The following TBC1D22A variants were observed in gnomAD, a reference collection of about 807,000 sequenced individuals.
TBC1D22A encodes the protein putative GTPase activator.
In TBC1D22A, 38 loss-of-function variants were observed where a neutral mutation model predicts 60.2. That is an observed-to-expected ratio of 0.63 (90% confidence interval 0.49 to 0.83). The LOEUF (loss-of-function observed/expected upper bound fraction) is 0.83. TBC1D22A is among the 40% of genes least tolerant of loss of function. The pLI, the probability that TBC1D22A is intolerant of heterozygous loss-of-function variation, is 0.00. For synonymous variants in TBC1D22A, 302 were observed against 281.7 expected (o/e 1.07, Z -0.72); for missense variants, 628 against 701.0 (o/e 0.90, Z 1.18).
chr22:47,055,211 CA>C (rs2063355115), intron 11 of TBC1D22A, among the ~76,000 whole-genome samples: 1 of 152,246 alleles, frequency 6.6e-6, no homozygotes, highest in African/African-American at 2.4e-5. Context: ...ACTGCTCCCA[CA>C]AGTCTTTCTC....
At chr22:47,012,636 G>C (rs2148305311) in intron 10 of TBC1D22A, among the ~76,000 whole-genome samples, 1 of 152,250 alleles carries the variant, frequency 6.6e-6, no homozygotes, top group Admixed American at 6.5e-5. Context: ...CTCATTTTAA[G>C]GTATTCCTCC....
At chr22:46,976,570 G>A (rs368591452) in intron 9 of TBC1D22A, among the ~76,000 whole-genome samples, 59 of 152,308 alleles carry the variant, frequency 3.9e-4, no homozygotes, top group Middle Eastern at 3.4e-3. Context: ...CACGCAGACC[G>A]GCGTGTCAGC....
At chr22:47,030,809 G>T (rs1183163673) in intron 10 of TBC1D22A, among the ~76,000 whole-genome samples, 1 of 152,232 alleles carries the variant, frequency 6.6e-6, no homozygotes, top group Non-Finnish European at 1.5e-5. Flanking sequence ...TACATTTGCA[G>T]CTTTGATGTG....
chr22:47,092,455 C>T (rs550739336), intron 11 of TBC1D22A, among the ~76,000 whole-genome samples: 8 of 152,224 alleles, frequency 5.3e-5, no homozygotes, highest in South Asian at 2.1e-4. Context: ...AGAGAGTGAA[C>T]GAGGATGCCC....
chr22:46,930,813 A>G (rs564087639), intron 8 of TBC1D22A, among the ~76,000 whole-genome samples: 2 of 152,214 alleles, frequency 1.3e-5, no homozygotes, highest in South Asian at 4.2e-4. Flanking sequence ...CAAAGCCAGT[A>G]TGTAGTTTAA....
chr22:46,762,838 C>T lies in TBC1D22A; in HGVS notation c.52C>T (p.Leu18Phe). Reference protein sequence around the residue: ...KQFWKRSNSKLPGSIQHVYGA... With the variant: ...KQFWKRSNSKFPGSIQHVYGA... Reference sequence around the variant, plus strand: ...ATTCTGGAAGCGCAGCAACAGCAAGCTCCCGGGCAGGTGGGTGTGCCGCGG... The same window carrying T: ...ATTCTGGAAGCGCAGCAACAGCAAGTTCCCGGGCAGGTGGGTGTGCCGCGG... The change falls in exon 1 of 13, where the codon CTC becomes TTC. Residue 18 changes from leucine (L) to phenylalanine (F), a missense_variant. Transcript: ENST00000337137. The T allele has an allele frequency of 6.8e-7, 1 of 1,465,734 alleles. No individual in the cohort carries two copies. Among genetic ancestry groups the T allele is most frequent in the Non-Finnish European group, 9.0e-7 (1 of 1,115,120 alleles). The allele number at this position is 1,465,734 out of a possible 1,614,324, so 90.8% of individuals were successfully genotyped here. A position where few individuals can be genotyped will look rare whatever the true frequency, so the allele number is the denominator to read the frequency against.
intron 1 of TBC1D22A, among the ~76,000 whole-genome samples, chr22:46,783,052 A>C (rs537248309): frequency 5.9e-5 from 9 of 152,120 alleles, no homozygotes; most frequent in African/African-American, 2.2e-4. Context: ...GCAGCTGCCC[A>C]TTTTTAATTT....
intron 4 of TBC1D22A, among the ~76,000 whole-genome samples, chr22:46,803,927 T>C (rs960945040): frequency 6.6e-6 from 1 of 152,234 alleles, no homozygotes; most frequent in African/African-American, 2.4e-5. Context: ...ACATAGTAGG[T>C]ACTTGTCATT....
intron 10 of TBC1D22A, among the ~76,000 whole-genome samples, chr22:46,997,988 A>C (rs920790222): frequency 6.6e-6 from 1 of 152,210 alleles, no homozygotes; most frequent in African/African-American, 2.4e-5. Context: ...GGTGATTGTC[A>C]TAATCTAGGT....
intron 11 of TBC1D22A, among the ~76,000 whole-genome samples, chr22:47,096,832 AAAAT>A (rs1227180466): frequency 3.9e-5 from 6 of 152,206 alleles, no homozygotes; most frequent in Non-Finnish European, 5.9e-5. Context: ...AAAAAAAATA[AAAAT>A]AAATAAATAA....
Position 46,785,139 on chromosome 22 carries a change from T to C in TBC1D22A, c.63-7381T>C, listed in dbSNP as rs1255940494. ...AGGGTTTGTGGGTCAGAAATTCACA[T>C]GGGGCACAGTGGGATGTCTTGTCTC... On this transcript the variant is annotated intron_variant, in intron 1 of 12. Transcript: ENST00000337137. Among the ~76,000 whole-genome samples the C allele has an allele frequency of 3.9e-5, 6 of 152,188 alleles. No individual in the cohort carries two copies. In the East Asian group the frequency reaches 7.7e-4, roughly 19 times the overall value.
intron 11 of TBC1D22A, among the ~76,000 whole-genome samples, chr22:47,094,316 A>C (rs1052476126): frequency 1.3e-5 from 2 of 152,214 alleles, no homozygotes; most frequent in Non-Finnish European, 2.9e-5. Flanking sequence ...GGTGGGTTTC[A>C]AGGCTAACAT....
intron 5 of TBC1D22A, among the ~76,000 whole-genome samples, chr22:46,885,379 T>A (rs567608604): frequency 6.6e-6 from 1 of 152,282 alleles, no homozygotes; most frequent in South Asian, 2.1e-4. Context: ...CCTGAGCCTG[T>A]CTCCTCGTCT....
At chr22:47,135,046 G>A (rs987310469) in intron 12 of TBC1D22A, among the ~76,000 whole-genome samples, 3 of 152,232 alleles carry the variant, frequency 2.0e-5, no homozygotes, top group Non-Finnish European at 4.4e-5. Context: ...TGCACCTGTG[G>A]CCAGACTCAG....
At chr22:47,054,039 G>A (rs1256457972) in intron 11 of TBC1D22A, among the ~76,000 whole-genome samples, 8 of 152,182 alleles carry the variant, frequency 5.3e-5, no homozygotes, top group Non-Finnish European at 1.2e-4. Flanking sequence ...CTCAGTGTGA[G>A]AGCTGCAGTT....
intron 10 of TBC1D22A, among the ~76,000 whole-genome samples, chr22:47,003,959 A>T (rs1299409793): frequency 1.5e-5 from 2 of 135,574 alleles, no homozygotes; most frequent in Non-Finnish European, 3.1e-5. Context: ...CTACGCACGC[A>T]TGCCTGTATA....
intron 4 of TBC1D22A, among the ~76,000 whole-genome samples, chr22:46,854,644 C>T (rs940298736): frequency 6.6e-6 from 1 of 152,114 alleles, no homozygotes; most frequent in African/African-American, 2.4e-5. Context: ...GATGTCTGCC[C>T]AGGCATTGAA....
intron 8 of TBC1D22A, among the ~76,000 whole-genome samples, chr22:46,967,923 C>G (rs1230382905): frequency 6.6e-6 from 1 of 152,078 alleles, no homozygotes; most frequent in Non-Finnish European, 1.5e-5. Context: ...TAATTACAAA[C>G]TATGATTCCA....
chr22:46,983,456 G>A (rs2074594607), intron 9 of TBC1D22A, among the ~76,000 whole-genome samples: 1 of 152,210 alleles, frequency 6.6e-6, no homozygotes, highest in African/African-American at 2.4e-5. Context: ...TTTCTTTCTT[G>A]TCTTTATTTT....
Sources: gnomAD v4.1 joint callset for allele counts (sites outside exome capture counted in the v4.1 genomes callset) on GRCh38, gnomAD v4.1.1 for gene constraint, MANE v1.5 for transcripts, NCBI Gene and HGNC (gene_info 2026-07-23, HGNC 2026-07-21) for gene names.